PNPT1: variants seen among roughly 807,000 people sequenced by gnomAD.
PNPT1 encodes polyribonucleotide nucleotidyltransferase 1.
In PNPT1, 53 loss-of-function variants were observed where a neutral mutation model predicts 119.5. The observed-to-expected ratio is 0.44, with a 90% CI of 0.36 to 0.56. The LOEUF is 0.56. Ranked by LOEUF, PNPT1 falls within the 20% of genes least tolerant of loss-of-function variation. The pLI is 0.00. For synonymous variants in PNPT1, 357 were observed against 322.1 expected (o/e 1.11, Z -1.16); for missense variants, 948 against 938.5 (o/e 1.01, Z -0.13).
chr2:55,646,295 T>C lies in PNPT1; in HGVS notation c.1702A>G (p.Ile568Val), dbSNP rs781612777. Residue 568 changes from isoleucine to valine, a missense_variant, in exon 21 of 28, where the codon ATA (isoleucine) becomes GTA (valine). By Grantham distance (29) the Ile-to-Val change is conservative (BLOSUM62 3). Coordinates refer to ENST00000447944, the MANE Select transcript of PNPT1 (RefSeq NM_033109.5). ...QADIKLPGIP[I>V]KIVMEAIQQA... Reference sequence around the variant, plus strand: ...TGAATAGCCTCCATCACAATTTTTATTGGTATTCCAGGTAATTTAATATCA... The same window carrying C: ...TGAATAGCCTCCATCACAATTTTTACTGGTATTCCAGGTAATTTAATATCA... 21 of 1,613,202 alleles carry C rather than the reference T, an allele frequency of 1.3e-5. No homozygotes were observed. Among genetic ancestry groups the C allele is most frequent in the African/African-American group, 2.7e-5 (2 of 74,898 alleles).
intron 25 of PNPT1, 147 bp downstream of exon 25, chr2:55,643,011 G>C (rs984756022): frequency 7.9e-6 from 6 of 758,734 alleles, no homozygotes; most frequent in Non-Finnish European, 1.1e-5. Flanking sequence ...CTAAATAGGA[G>C]GCTGAGGTGG....
At chr2:55,661,077 C>G (rs1206462130) in intron 14 of PNPT1, among the ~76,000 whole-genome samples, 1 of 147,476 alleles carries the variant, frequency 6.8e-6, no homozygotes, top group African/African-American at 2.5e-5. Flanking sequence ...CTGGTGAGGA[C>G]TGCAATAGAG....
chr2:55,669,730 A>G (rs548951174), intron 11 of PNPT1, among the ~76,000 whole-genome samples: 12 of 151,926 alleles, frequency 7.9e-5, no homozygotes, highest in South Asian at 2.1e-4. Flanking sequence ...TGACAGTTAC[A>G]ATTAATGGCC....
intron 8 of PNPT1, among the ~76,000 whole-genome samples, chr2:55,673,741 T>C (rs1274129827): frequency 6.6e-6 from 1 of 152,098 alleles, no homozygotes; most frequent in African/African-American, 2.4e-5. Flanking sequence ...CCACTGTGCC[T>C]GGCATCTTTT....
intron 1 of PNPT1, among the ~76,000 whole-genome samples, chr2:55,688,476 G>A (rs979239377): frequency 1.3e-5 from 2 of 151,816 alleles, no homozygotes; most frequent in Admixed American, 1.3e-4. Context: ...GTAATCCCAG[G>A]ACTTTGAAAG....
intron 8 of PNPT1, among the ~76,000 whole-genome samples, chr2:55,677,867 T>C (rs1697127384): frequency 6.6e-6 from 1 of 151,958 alleles, no homozygotes; most frequent in East Asian, 2.0e-4. Flanking sequence ...AGCCTCCCAG[T>C]AGCTGGGACT....
Position 55,667,959 on chromosome 2 carries a change from C to T in PNPT1, c.977-1G>A. ...TATGGATCGGCTTCTGGAAATTTTT[C>T]TATAGAAAAAAGACAAACCAAAACA... is the stretch of plus-strand genomic sequence containing the variant. On this transcript the variant is annotated splice_acceptor_variant, in intron 11 of 27. Transcript: ENST00000447944. LOFTEE classifies it high-confidence loss of function. 6.3e-7 allele frequency: 1 copy of T among 1,576,104 alleles called. No individual in the cohort carries two copies. Among genetic ancestry groups the T allele is most frequent in the Non-Finnish European group, 8.5e-7 (1 of 1,169,856 alleles).
chr2:55,681,619 T>C (rs1307851076), intron 5 of PNPT1, among the ~76,000 whole-genome samples: 2 of 147,670 alleles, frequency 1.4e-5, no homozygotes, highest in African/African-American at 5.0e-5. Flanking sequence ...CCGAGGCAGG[T>C]GGATCACTTG....
At position 55,693,780 on chromosome 2, in the gene PNPT1, G is replaced by C. The variant is rs762690760; in HGVS notation, c.44C>G (p.Pro15Arg). Residue 15 changes from proline to arginine, a missense_variant, in exon 1 of 28, where the codon CCC (proline) becomes CGC (arginine). Transcript: ENST00000447944. Reference sequence around the variant, plus strand: ...CAGAAGGAAAGGACCATCGCTCAGGGGCCGGAGCCGGAGGCACGAGCAGCA... The same window carrying C: ...CAGAAGGAAAGGACCATCGCTCAGGCGCCGGAGCCGGAGGCACGAGCAGCA... ...RYCCSCLRLR[P>R]LSDGPFLLPR... 3.1e-6 allele frequency: 5 copies of C among 1,613,950 alleles called. No homozygotes were observed. The highest frequency in any genetic ancestry group is 8.5e-7 in the Non-Finnish European group (1 of 1,180,052).
chr2:55,647,976 A>C (rs1444475869), intron 18 of PNPT1, among the ~76,000 whole-genome samples: 2 of 152,216 alleles, frequency 1.3e-5, no homozygotes, highest in African/African-American at 2.4e-5. Flanking sequence ...TATATCCAGC[A>C]AAAACTTCTC....
chr2:55,681,272 T>C (rs751012379), intron 5 of PNPT1, among the ~76,000 whole-genome samples: 2 of 152,056 alleles, frequency 1.3e-5, no homozygotes, highest in Non-Finnish European at 2.9e-5. Context: ...CCGGGTGTAG[T>C]GGCCGGTGCC....
At chr2:55,636,872 A>G (rs1695690607) in intron 27 of PNPT1, among the ~76,000 whole-genome samples, 1 of 29,160 alleles carries the variant, frequency 3.4e-5, no homozygotes, top group African/African-American at 6.8e-5. Flanking sequence ...CTGATGTGAA[A>G]ACAACAACAA....
chr2:55,684,409 A>C (rs954856025), intron 4 of PNPT1, among the ~76,000 whole-genome samples: 2 of 152,202 alleles, frequency 1.3e-5, no homozygotes, highest in Non-Finnish European at 2.9e-5. Context: ...GGTTGCAGTG[A>C]GCCGAGATCG....
chr2:55,663,546 A>G (rs950900018), intron 13 of PNPT1, among the ~76,000 whole-genome samples: 1 of 152,236 alleles, frequency 6.6e-6, no homozygotes, highest in Non-Finnish European at 1.5e-5. Context: ...ATAAACTCAA[A>G]GGAAACCACA....
chr2:55,680,902 A>G lies in PNPT1; in HGVS notation c.470T>C (p.Leu157Ser), dbSNP rs374683384. 1 of 1,614,014 alleles carries G rather than the reference A, an allele frequency of 6.2e-7. No individual in the cohort carries two copies. Among genetic ancestry groups the G allele is most frequent in the Non-Finnish European group, 8.5e-7 (1 of 1,179,926 alleles). ...FYDTQVLCNLLAVDGVNEPDV... is the reference protein window; with the variant it reads ...FYDTQVLCNLSAVDGVNEPDV... ...AGGCTCATTTACACCATCTACTGCT[A>G]ACAGATTACACAGAACCTGGTAAAA... Residue 157 changes from leucine to serine, a missense_variant, in exon 6 of 28, where the codon TTA becomes TCA. Transcript: ENST00000447944.
chr2:55,662,228 C>G (rs1381349468), intron 13 of PNPT1, among the ~76,000 whole-genome samples: 1 of 152,128 alleles, frequency 6.6e-6, no homozygotes. Context: ...ATCCAAAGTT[C>G]TAACATCACA....
In PNPT1 at chr2:55,693,790, G is replaced by T. The variant is rs767320275; in HGVS notation, c.34C>A (p.Arg12=). The change falls in exon 1 of 28, where the codon CGG becomes AGG. Residue 12 remains arginine, a synonymous_variant. Coordinates refer to ENST00000447944, the MANE Select transcript of PNPT1 (RefSeq NM_033109.5). ...AACRYCCSCL[R]LRPLSDGPFL... ...GGACCATCGCTCAGGGGCCGGAGCC[G>T]GAGGCACGAGCAGCAGTACCTGCAG... The T allele has an allele frequency of 4.3e-6, 7 of 1,613,876 alleles. No homozygotes were observed. The African/African-American group carries it at 9.3e-5, about 22-fold the overall frequency.
At chr2:55,691,862 ATATATATATATATATATTTTT>A (rs1245548707) in intron 1 of PNPT1, among the ~76,000 whole-genome samples, 5 of 41,288 alleles carry the variant, frequency 1.2e-4, no homozygotes, top group Non-Finnish European at 2.1e-4. Context: ...ATATATATAT[ATATATATATATATATATTTTT>A]TTTTTTTTTT....
chr2:55,656,864 G>A (rs1277375731), intron 15 of PNPT1, among the ~76,000 whole-genome samples: 1 of 152,160 alleles, frequency 6.6e-6, no homozygotes, highest in Non-Finnish European at 1.5e-5. Flanking sequence ...ATATTTTGAA[G>A]TATTTCTCAA....
Sources: allele counts gnomAD v4.1 joint callset (sites outside exome capture counted in the v4.1 genomes callset), GRCh38; gene constraint gnomAD v4.1.1; transcripts MANE v1.5; gene names NCBI Gene and HGNC (gene_info 2026-07-23, HGNC 2026-07-21).